The following CAPN15 variants were observed in gnomAD, a reference collection of about 807,000 sequenced individuals.
CAPN15 encodes calpain 15.
In CAPN15, 53 loss-of-function variants were observed where a neutral mutation model predicts 97.9. The ratio of observed to expected loss-of-function variants is 0.54; its 90% CI spans 0.43 to 0.68. CAPN15 has a LOEUF of 0.68. Among genes scored for constraint, CAPN15 ranks in the 30% least tolerant of loss-of-function variants. The pLI is 0.00. For missense variants in CAPN15, 1,592 were observed against 1,589.8 expected, an observed-to-expected ratio of 1.00 and a Z score of -0.02; for synonymous variants, 922 against 722.5, an observed-to-expected ratio of 1.28 and a Z score of -4.43.
At chr16:529,640 G>T (rs1200088526) in intron 1 of CAPN15, among the ~76,000 whole-genome samples, 1 of 152,104 alleles carries the variant, frequency 6.6e-6, no homozygotes, top group Non-Finnish European at 1.5e-5. Flanking sequence ...TGGTGGCCGA[G>T]TTGCCCCTGG....
rs754593985 is a variant in CAPN15 at position 548,237 on chromosome 16, G to A, written c.1399G>A (p.Glu467Lys). ...MHVEQRRQTD[E>K]GEAKALWENI... is the part of the protein sequence containing the mutation. ...CGTGGAGCAGCGGCGGCAGACAGAC[G>A]AGGGCGAGGCCAAGGCACTCTGGGA... Residue 467 changes from glutamate (E) to lysine (K), a missense_variant, in exon 4 of 14, where the codon GAG (glutamate) becomes AAG (lysine). Transcript: ENST00000219611. 3.2e-6 allele frequency: 5 copies of A among 1,551,730 alleles called. No individual in the cohort carries two copies. The highest frequency in any genetic ancestry group is 2.6e-6 in the Non-Finnish European group (3 of 1,150,296).
At chr16:534,083 C>T (rs1482196181) in intron 2 of CAPN15, 85 bp downstream of exon 2, 22 of 654,602 alleles carry the variant, frequency 3.4e-5, no homozygotes, top group East Asian at 2.0e-4. Context: ...GTTGGAGTGC[C>T]CACGGCTGGG....
chr16:546,971 G>A lies in CAPN15; in HGVS notation c.133G>A (p.Glu45Lys), dbSNP rs150576494. 1.7e-5 allele frequency: 28 copies of A among 1,610,214 alleles called. No homozygotes were observed. Among genetic ancestry groups the A allele is most frequent in the Non-Finnish European group, 2.4e-5 (28 of 1,179,894 alleles). The change falls in exon 4 of 14, where the codon GAG becomes AAG. Residue 45 changes from glutamate to lysine, a missense_variant. Glu to Lys is a moderately conservative substitution (Grantham distance 56). This residue lies in a region of CAPN15 where 883 missense variants were observed against 776.6 expected (regional missense o/e 1.14). Transcript: ENST00000219611. ...LNHILRLSVE[E>K]QKWPCARCTF... ...CCACATCCTGCGGCTCAGCGTGGAG[G>A]AGCAGAAATGGCCCTGCGCCCGCTG...
At position 552,598 on chromosome 16, in the gene CAPN15, C is replaced by T. The variant is rs747372405; in HGVS notation, c.2738-7C>T. The T allele has an allele frequency of 5.8e-6, 9 of 1,542,966 alleles. No individual in the cohort carries two copies. Among genetic ancestry groups the T allele is most frequent in the Non-Finnish European group, 7.0e-6 (8 of 1,147,370 alleles). ...GAGGGCTGCGGTTCACACGCCCGTC[C>T]TTGTAGCCTCCAGCCCCTCGGCAGG... On this transcript the variant is annotated splice_polypyrimidine_tract_variant and splice_region_variant and intron_variant, in intron 11 of 13. Coordinates refer to ENST00000219611, the MANE Select transcript of CAPN15 (RefSeq NM_005632.3). This position sits in a 1 kb window ranked among gnomAD's most constrained non-coding sequence, Gnocchi z 6.4.
chr16:549,248 G>A lies in CAPN15; in HGVS notation c.1659-40G>A, dbSNP rs779339612. ...GGGTGGGGCGGGTGGGCGGGCGACC[G>A]GCCGCGGTCCCCGCGAGGTCACCCT... On this transcript the variant is annotated intron_variant, in intron 5 of 13. Transcript: ENST00000219611. 72 of 1,546,228 alleles carry A rather than the reference G, an allele frequency of 4.7e-5. No individual in the cohort carries two copies. The Middle Eastern group carries it at 9.1e-4, about 20-fold the overall frequency.
Position 548,037 on chromosome 16 carries a change from C to T in CAPN15, c.1199C>T (p.Ser400Phe). The change falls in exon 4 of 14, where the codon TCC (serine) becomes TTC (phenylalanine). Residue 400 changes from serine (S) to phenylalanine (F), a missense_variant. By Grantham distance (155) the Ser-to-Phe change is radical. This residue lies in a region of CAPN15 where 883 missense variants were observed against 776.6 expected (regional missense o/e 1.14). Coordinates refer to ENST00000219611, the MANE Select transcript of CAPN15 (RefSeq NM_005632.3). ...SPCGRSCGRV[S>F]SAQKAARVLP... ...TGCGGCAGAAGCTGCGGACGGGTGT[C>T]CTCGGCCCAGAAGGCCGCCCGCGTC... 1 of 1,562,888 alleles carries T rather than the reference C, an allele frequency of 6.4e-7. No individual in the cohort carries two copies. Among genetic ancestry groups the T allele is most frequent in the Non-Finnish European group, 8.7e-7 (1 of 1,155,996 alleles).
intron 3 of CAPN15, 30 bp from the exon 4 acceptor site, chr16:546,787 G>T: frequency 6.5e-7 from 1 of 1,549,380 alleles, no homozygotes; most frequent in African/African-American, 1.4e-5. Context: ...GACCTCACAG[G>T]GTGGCCCTGA....
intron 3 of CAPN15, among the ~76,000 whole-genome samples, chr16:546,461 G>A (rs928379869): frequency 5.9e-5 from 9 of 151,924 alleles, no homozygotes; most frequent in East Asian, 5.8e-4. Context: ...CGCCCAGGAC[G>A]ACCTGGTCCT....
chr16:542,931 A>G (rs941881204), intron 3 of CAPN15, among the ~76,000 whole-genome samples: 7 of 152,168 alleles, frequency 4.6e-5, no homozygotes, highest in African/African-American at 1.7e-4. Context: ...GGCACCTATA[A>G]TCCTAGCTAC....
At chr16:544,605 G>A (rs966502512) in intron 3 of CAPN15, among the ~76,000 whole-genome samples, 3 of 152,074 alleles carry the variant, frequency 2.0e-5, no homozygotes, top group African/African-American at 4.8e-5. Context: ...TAACTGGGGC[G>A]CGCGGGTCTT....
chr16:529,875 G>C (rs530983945), intron 1 of CAPN15, among the ~76,000 whole-genome samples: 1 of 152,182 alleles, frequency 6.6e-6, no homozygotes, highest in Admixed American at 6.5e-5. Flanking sequence ...GGGTGGGCTT[G>C]GGTGGTTTCC....
In CAPN15 at chr16:550,911, CGG is replaced by C. The variant is rs1567157313; in HGVS notation, c.2067-390_2067-389del. ...TGAGGTCCCTGGTCGGTGAGGGTCCCGGTCAGTGAGGGTCCCCTTTCGGTGAG... is the reference window on the plus strand; with the variant it reads ...TGAGGTCCCTGGTCGGTGAGGGTCCCTCAGTGAGGGTCCCCTTTCGGTGAG... On this transcript the variant is annotated intron_variant, in intron 7 of 13. Transcript: ENST00000219611. Among the ~76,000 whole-genome samples, 33 of 126,158 alleles carry C rather than the reference CGG, an allele frequency of 2.6e-4. 1 individual carries two copies. Among genetic ancestry groups the C allele is most frequent in the Non-Finnish European group, 4.7e-4 (30 of 63,392 alleles). 82.8% of individuals were successfully genotyped at this position (126,158 alleles called of 152,430 possible). A position where few individuals can be genotyped will look rare whatever the true frequency, so the allele number is the denominator to read the frequency against.
rs1224219928 is a variant in CAPN15 at position 554,497 on chromosome 16, T to C, written c.*981T>C. The C allele has an allele frequency of 4.4e-6, 2 of 455,516 alleles. No individual in the cohort carries two copies. The highest frequency in any genetic ancestry group is 4.0e-5 in the African/African-American group (2 of 50,066). The allele number at this position is 455,516 out of a possible 1,614,324, so 28.2% of individuals were successfully genotyped here. A position where few individuals can be genotyped will look rare whatever the true frequency, so the allele number is the denominator to read the frequency against. On this transcript the variant is annotated 3_prime_UTR_variant, in exon 14 of 14. Coordinates refer to ENST00000219611, the MANE Select transcript of CAPN15 (RefSeq NM_005632.3). ...CTGTACTCTGAGCTGTGAATATTTT[T>C]AACCCTGTAAATACGGCCAGCTCTT...
intron 2 of CAPN15, among the ~76,000 whole-genome samples, 188 bp downstream of exon 2, chr16:534,186 G>A (rs2033496608): frequency 6.6e-6 from 1 of 152,272 alleles, no homozygotes; most frequent in African/African-American, 2.4e-5. Flanking sequence ...TTTGGGCCGT[G>A]GTCCTGTCGT....
intron 5 of CAPN15, 32 bp downstream of exon 5, chr16:549,233 G>T: frequency 1.1e-6 from 1 of 926,614 alleles, no homozygotes; most frequent in South Asian, 1.4e-5. Context: ...GGGTGGGGCG[G>T]GTGGGCGGGC....
rs1298081717 is a variant in CAPN15 at position 549,018 on chromosome 16, G to C, written c.1475G>C (p.Ser492Thr). 1.2e-6 allele frequency: 2 copies of C among 1,612,744 alleles called. No individual in the cohort carries two copies. Among genetic ancestry groups the C allele is most frequent in the Non-Finnish European group, 1.7e-6 (2 of 1,179,938 alleles). ...AACAATGTGAGCTTCGTGGATGACAGCTTCCCTCCCGGGCCCGAGTCTGTC... is the reference window on the plus strand; with the variant it reads ...AACAATGTGAGCTTCGTGGATGACACCTTCCCTCCCGGGCCCGAGTCTGTC... ...RENNVSFVDD[S>T]FPPGPESVGF... Residue 492 changes from serine to threonine, a missense_variant, in exon 5 of 14, where the codon AGC becomes ACC. By Grantham distance (58) the Ser-to-Thr change is moderately conservative. Transcript: ENST00000219611.
chr16:547,927 C>A lies in CAPN15; in HGVS notation c.1089C>A (p.Cys363Ter). The A allele has an allele frequency of 6.2e-7, 1 of 1,604,828 alleles. No homozygotes were observed. The highest frequency in any genetic ancestry group is 8.5e-7 in the Non-Finnish European group (1 of 1,176,448). ...NPTVAPRCSA[C>*]GCSKLHGFQE... is the part of the protein sequence containing the mutation. ...CAGTGGCCCCCAGGTGCTCGGCCTG[C>A]GGCTGCTCCAAACTGCACGGCTTCC... The change falls in exon 4 of 14, where the codon TGC (cysteine) becomes TGA (stop). Residue 363 changes from cysteine (C) to a stop codon, truncating the protein, a stop_gained. Transcript: ENST00000219611. LOFTEE classifies it high-confidence loss of function.
intron 3 of CAPN15, chr16:537,025 C>A: frequency 1.8e-6 from 1 of 555,220 alleles, no homozygotes; most frequent in Non-Finnish European, 2.3e-6. Flanking sequence ...GGCGGTTCAG[C>A]GATACCATCT....
Position 552,914 on chromosome 16 carries a change from A to G in CAPN15, c.2956A>G (p.Ile986Val). The G allele has an allele frequency of 6.2e-7, 1 of 1,610,354 alleles. No homozygotes were observed. Among genetic ancestry groups the G allele is most frequent in the South Asian group, 1.1e-5 (1 of 90,952 alleles). The change falls in exon 13 of 14, where the codon ATC becomes GTC. Residue 986 changes from isoleucine to valine, a missense_variant. By Grantham distance (29) the Ile-to-Val change is conservative (BLOSUM62 3). Around this residue, in one of 3 missense-constraint regions of CAPN15, gnomAD observed 644 missense variants for 699.6 expected, o/e 0.92. Transcript: ENST00000219611. This position sits in a 1 kb window ranked among gnomAD's most constrained non-coding sequence, Gnocchi z 6.4. ...CCTGACACACGGTTGGGCGGGGCTCATCGTGGTGGTGGAGAACCGACACCC... is the reference window on the plus strand; with the variant it reads ...CCTGACACACGGTTGGGCGGGGCTCGTCGTGGTGGTGGAGAACCGACACCC... ...YYLTHGWAGL[I>V]VVVENRHPKA...
Sources: allele counts gnomAD v4.1 joint callset (sites outside exome capture counted in the v4.1 genomes callset), GRCh38; gene constraint gnomAD v4.1.1; regional missense constraint gnomAD v4.1.1; non-coding constraint Gnocchi (gnomAD v3.1); transcripts MANE v1.5; gene names NCBI Gene and HGNC (gene_info 2026-07-23, HGNC 2026-07-21).